The following LINC00305 variants were observed in gnomAD, a reference collection of about 807,000 sequenced individuals.
The protein encoded by LINC00305 is long independently transcribed non-coding RNA 305.
intron 1 of LINC00305, among the ~76,000 whole-genome samples, chr18:64,136,715 A>C (rs542497294): frequency 2.0e-5 from 3 of 152,304 alleles, no homozygotes; most frequent in Admixed American, 2.0e-4. Context: ...CTGTCAGAAG[A>C]GACAATATGA....
intron 1 of LINC00305, among the ~76,000 whole-genome samples, chr18:64,133,490 A>G (rs1436925263): frequency 6.6e-6 from 1 of 151,986 alleles, no homozygotes; most frequent in Non-Finnish European, 1.5e-5. Context: ...GTCATAAGTG[A>G]CTCCTCATTA....
intron 1 of LINC00305, among the ~76,000 whole-genome samples, chr18:64,115,196 T>A (rs2051332376): frequency 6.6e-6 from 1 of 152,210 alleles, no homozygotes. Context: ...TAGCACTAAT[T>A]TCTAGAGGGC....
chr18:64,086,803 C>T (rs555587031), intron 3 of LINC00305, among the ~76,000 whole-genome samples: 63 of 152,212 alleles, frequency 4.1e-4, no homozygotes, highest in African/African-American at 1.3e-3. Context: ...GTGCAGCAAA[C>T]GAGAGGTGAC....
intron 1 of LINC00305, among the ~76,000 whole-genome samples, chr18:64,143,770 GCGTACATGTATGTACA>G (rs2051482450): frequency 6.7e-6 from 1 of 149,604 alleles, no homozygotes; most frequent in Non-Finnish European, 1.5e-5. Context: ...CACATATTAT[GCGTACATGTATGTACA>G]CATATTATGC....
chr18:64,092,992 G>A (rs2051230856), intron 3 of LINC00305, among the ~76,000 whole-genome samples: 1 of 152,152 alleles, frequency 6.6e-6, no homozygotes, highest in South Asian at 2.1e-4. Flanking sequence ...CATCCAGTAA[G>A]CAATTCATTA....
intron 3 of LINC00305, among the ~76,000 whole-genome samples, chr18:64,081,892 G>GA (rs1373054826): frequency 2.0e-5 from 3 of 152,112 alleles, no homozygotes; most frequent in South Asian, 4.1e-4. Context: ...GCAAGTTGGG[G>GA]AAAAAACCCA....
intron 1 of LINC00305, among the ~76,000 whole-genome samples, chr18:64,107,582 C>G (rs1386224580): frequency 6.6e-6 from 1 of 152,144 alleles, no homozygotes; most frequent in African/African-American, 2.4e-5. Flanking sequence ...GACAAAAGTC[C>G]TCTGCACATG....
intron 1 of LINC00305, among the ~76,000 whole-genome samples, chr18:64,133,537 G>A (rs1271019145): frequency 6.6e-6 from 1 of 152,116 alleles, no homozygotes; most frequent in Non-Finnish European, 1.5e-5. Context: ...CTGTGAGGAG[G>A]CCACAGATAG....
chr18:64,111,845 T>C (rs940902976), intron 1 of LINC00305, among the ~76,000 whole-genome samples: 2 of 152,186 alleles, frequency 1.3e-5, no homozygotes, highest in Non-Finnish European at 2.9e-5. Flanking sequence ...TAATACTTTT[T>C]AATAGTAAAA....
intron 1 of LINC00305, among the ~76,000 whole-genome samples, chr18:64,107,594 G>T (rs750391780): frequency 6.6e-6 from 1 of 152,190 alleles, no homozygotes; most frequent in Admixed American, 6.5e-5. Context: ...CTGCACATGT[G>T]TTCCAGGAGA....
At chr18:64,103,280 A>C (rs1442359978) in intron 1 of LINC00305, among the ~76,000 whole-genome samples, 2 of 152,182 alleles carry the variant, frequency 1.3e-5, no homozygotes, top group East Asian at 3.8e-4. Context: ...GTAGTCTCTC[A>C]GTCTTCATTC....
chr18:64,146,519 G>A (rs2051499034), intron 1 of LINC00305, among the ~76,000 whole-genome samples: 1 of 152,076 alleles, frequency 6.6e-6, no homozygotes, highest in Admixed American at 6.5e-5. Context: ...AGATTTGATC[G>A]ACCTGGTGCC....
chr18:64,114,781 T>G (rs2051330500), intron 1 of LINC00305, among the ~76,000 whole-genome samples: 1 of 152,230 alleles, frequency 6.6e-6, no homozygotes, highest in African/African-American at 2.4e-5. Flanking sequence ...ACTCCTGACC[T>G]CAGATGATCC....
chr18:64,100,556 T>A (rs1319709029), intron 1 of LINC00305, among the ~76,000 whole-genome samples: 1 of 152,206 alleles, frequency 6.6e-6, no homozygotes, highest in Admixed American at 6.5e-5. Flanking sequence ...CCCACATCCC[T>A]AGGCAAGTGA....
intron 1 of LINC00305, among the ~76,000 whole-genome samples, chr18:64,143,859 CAT>C (rs2051484138): frequency 2.0e-5 from 3 of 151,688 alleles, no homozygotes; most frequent in African/African-American, 7.3e-5. Context: ...TACATACATA[CAT>C]ACATACATAT....
intron 1 of LINC00305, among the ~76,000 whole-genome samples, chr18:64,138,593 T>G (rs1440794862): frequency 1.3e-5 from 2 of 152,174 alleles, no homozygotes; most frequent in African/African-American, 4.8e-5. Flanking sequence ...CTGATGAGAT[T>G]TTTTTGGCAT....
chr18:64,093,926 T>C (rs997382548), intron 3 of LINC00305, among the ~76,000 whole-genome samples: 4 of 151,958 alleles, frequency 2.6e-5, no homozygotes, highest in African/African-American at 9.7e-5. Flanking sequence ...TACAGTTTAA[T>C]TGGAAAGAAG....
chr18:64,132,690 A>T (rs1012468456), intron 1 of LINC00305, among the ~76,000 whole-genome samples: 3 of 152,148 alleles, frequency 2.0e-5, no homozygotes, highest in African/African-American at 7.2e-5. Flanking sequence ...CAGCTCCATG[A>T]TTCTCCTGGG....
At chr18:64,092,588 G>A (rs2051229185) in intron 3 of LINC00305, among the ~76,000 whole-genome samples, 1 of 152,076 alleles carries the variant, frequency 6.6e-6, no homozygotes, top group Admixed American at 6.6e-5. Context: ...AACATTTGCT[G>A]ACTAATCTGA....
Sources: gnomAD v4.1 joint callset for allele counts (sites outside exome capture counted in the v4.1 genomes callset) on GRCh38, gnomAD v4.1.1 for gene constraint, MANE v1.5 for transcripts, NCBI Gene and HGNC (gene_info 2026-07-23, HGNC 2026-07-21) for gene names.